Variants in TRPC4 observed in about 807,000 individuals in gnomAD.
The protein encoded by TRPC4 is short transient receptor potential channel 4.
Under a neutral mutation model 99.4 loss-of-function variants are expected in TRPC4, and 49 were observed. The observed-to-expected ratio is 0.49, with a 90% CI of 0.39 to 0.63. TRPC4 has a LOEUF of 0.63. TRPC4 is among the 20% of genes least tolerant of loss of function. The pLI, the probability that TRPC4 is intolerant of heterozygous loss-of-function variation, is 0.00. For synonymous variants in TRPC4, 454 were observed against 425.9 expected, an observed-to-expected ratio of 1.07 and a Z score of -0.81; for missense variants, 898 against 1,152.9, an observed-to-expected ratio of 0.78 and a Z score of 3.20.
At chr13:37,682,922 CTTTTTTTTT>C (rs35740848) in intron 4 of TRPC4, among the ~76,000 whole-genome samples, 9 of 109,344 alleles carry the variant, frequency 8.2e-5, no homozygotes, top group Non-Finnish European at 1.7e-4. Flanking sequence ...GCCCAGCTAT[CTTTTTTTTT>C]TTTTTTTTTT....
At chr13:37,656,890 C>A (rs1328373868) in intron 6 of TRPC4, among the ~76,000 whole-genome samples, 1 of 152,148 alleles carries the variant, frequency 6.6e-6, no homozygotes, top group African/African-American at 2.4e-5. Flanking sequence ...CGGCTCTTCC[C>A]AAAGCTGGGG....
At chr13:37,829,637 T>C (rs960341108) in intron 1 of TRPC4, among the ~76,000 whole-genome samples, 1 of 152,170 alleles carries the variant, frequency 6.6e-6, no homozygotes, top group Non-Finnish European at 1.5e-5. Flanking sequence ...GCAATTCTAC[T>C]TCTAGATATA....
At chr13:37,781,967 C>T (rs959725067) in intron 2 of TRPC4, among the ~76,000 whole-genome samples, 2 of 151,838 alleles carry the variant, frequency 1.3e-5, no homozygotes, top group African/African-American at 4.8e-5. Flanking sequence ...TTGCAGAGAC[C>T]GAGATGTGTA....
intron 3 of TRPC4, among the ~76,000 whole-genome samples, chr13:37,705,494 C>G (rs1363525481): frequency 6.6e-6 from 1 of 152,080 alleles, no homozygotes; most frequent in Non-Finnish European, 1.5e-5. Context: ...TGTTAATTAG[C>G]TCAATTTAGC....
intron 2 of TRPC4, among the ~76,000 whole-genome samples, chr13:37,758,574 T>C (rs751676836): frequency 8.6e-5 from 13 of 151,788 alleles, no homozygotes; most frequent in Non-Finnish European, 1.9e-4. Flanking sequence ...AAATAAAATA[T>C]TAAGAAACAA....
At chr13:37,812,634 ACAGT>A (rs1957735125) in intron 1 of TRPC4, among the ~76,000 whole-genome samples, 1 of 152,128 alleles carries the variant, frequency 6.6e-6, no homozygotes, top group Admixed American at 6.6e-5. Context: ...GCTGTGGAAC[ACAGT>A]CAGTCACCCT....
At chr13:37,674,737 C>T (rs1238185307) in intron 4 of TRPC4, among the ~76,000 whole-genome samples, 1 of 152,086 alleles carries the variant, frequency 6.6e-6, no homozygotes, top group Admixed American at 6.5e-5. Flanking sequence ...CAAAATTACT[C>T]AAAGATCATG....
intron 2 of TRPC4, among the ~76,000 whole-genome samples, chr13:37,765,759 A>T (rs149000631): frequency 2.6e-3 from 393 of 151,614 alleles, no homozygotes; most frequent in African/African-American, 8.9e-3. Context: ...AATATAGAAG[A>T]TTGCATAAGT....
chr13:37,863,877 C>G (rs1959562437), intron 1 of TRPC4, among the ~76,000 whole-genome samples: 1 of 151,582 alleles, frequency 6.6e-6, no homozygotes, highest in African/African-American at 2.4e-5. Flanking sequence ...TTTCACTCAT[C>G]TATTCAAAAA....
At chr13:37,824,138 G>A (rs1419104707) in intron 1 of TRPC4, among the ~76,000 whole-genome samples, 1 of 150,228 alleles carries the variant, frequency 6.7e-6, no homozygotes, top group Non-Finnish European at 1.5e-5. Flanking sequence ...CTGAGACTTT[G>A]CTGAAGTTGC....
At chr13:37,860,194 T>C (rs529232120) in intron 1 of TRPC4, among the ~76,000 whole-genome samples, 3 of 151,606 alleles carry the variant, frequency 2.0e-5, no homozygotes, top group Middle Eastern at 3.4e-3. Flanking sequence ...AATAAACTAT[T>C]AACAATGATT....
In TRPC4 at chr13:37,735,259, A is replaced by C. The variant is rs150078347; in HGVS notation, c.897+10678T>G. On this transcript the variant is annotated intron_variant, in intron 3 of 10. Transcript: ENST00000379705. ...GCATAATTTATGAGAACTCAAGCAGAAGTTTATATCTCAAAATCAACAAAA... is the reference window on the plus strand; with the variant it reads ...GCATAATTTATGAGAACTCAAGCAGCAGTTTATATCTCAAAATCAACAAAA... Among the ~76,000 whole-genome samples the C allele has an allele frequency of 5.6e-3, 852 of 152,254 alleles. 7 individuals are homozygous for C. The highest frequency in any genetic ancestry group is 0.02 in the African/African-American group (814 of 41,558).
intron 3 of TRPC4, among the ~76,000 whole-genome samples, chr13:37,724,345 A>G (rs151115049): frequency 3.3e-4 from 51 of 152,262 alleles, no homozygotes; most frequent in Non-Finnish European, 1.5e-5. Flanking sequence ...ATCTGGGACT[A>G]TTTCCCCTAA....
At chr13:37,740,125 A>T (rs1033686829) in intron 3 of TRPC4, among the ~76,000 whole-genome samples, 1 of 152,166 alleles carries the variant, frequency 6.6e-6, no homozygotes, top group African/African-American at 2.4e-5. Flanking sequence ...TGAGACAGCA[A>T]GGATGCAACA....
At position 37,683,387 on chromosome 13, in the gene TRPC4, G is replaced by A. The variant is rs148329004; in HGVS notation, c.1234+8612C>T. On this transcript the variant is annotated intron_variant, in intron 4 of 10. Coordinates refer to ENST00000379705, the MANE Select transcript of TRPC4 (RefSeq NM_016179.4). Reference sequence around the variant, plus strand: ...GTTCTGTGATGCTGTTGTGAGGTAAGTGCATATTAGAAGAAAAGGCTGGGT... The same window carrying A: ...GTTCTGTGATGCTGTTGTGAGGTAAATGCATATTAGAAGAAAAGGCTGGGT... Among the ~76,000 whole-genome samples the A allele has an allele frequency of 2.0e-3, 304 of 152,262 alleles. 1 individual carries two copies. The highest frequency in any genetic ancestry group is 4.1e-3 in the Admixed American group (62 of 15,300).
In TRPC4 at chr13:37,634,418, T is replaced by C. The variant is rs774707382; in HGVS notation, c.*2485A>G. On this transcript the variant is annotated 3_prime_UTR_variant, in exon 11 of 11. Transcript: ENST00000379705. ...CACTTTGTTCATACTCATAAACACATCTGTCAGCAACATCTGGGGGTTGTT... is the reference window on the plus strand; with the variant it reads ...CACTTTGTTCATACTCATAAACACACCTGTCAGCAACATCTGGGGGTTGTT... Among the ~76,000 whole-genome samples, 10 of 152,050 alleles carry C rather than the reference T, an allele frequency of 6.6e-5. No individual in the cohort carries two copies. The highest frequency in any genetic ancestry group is 1.3e-4 in the Admixed American group (2 of 15,228).
intron 3 of TRPC4, among the ~76,000 whole-genome samples, chr13:37,729,283 C>T (rs748048230): frequency 6.6e-6 from 1 of 151,936 alleles, no homozygotes; most frequent in Non-Finnish European, 1.5e-5. Context: ...ATGAGATGCA[C>T]CCTCACACTC....
Position 37,740,599 on chromosome 13 carries a change from C to G in TRPC4, c.897+5338G>C, listed in dbSNP as rs566324702. ...CTTGCTATGCACTGTAACTCTCACC[C>G]GAGGTGTCCCTTGGTTGTACTAAGG... On this transcript the variant is annotated intron_variant, in intron 3 of 10. Coordinates refer to ENST00000379705, the MANE Select transcript of TRPC4 (RefSeq NM_016179.4). 4.3e-4 allele frequency among the ~76,000 whole-genome samples: 65 copies of G among 152,228 alleles called. 1 individual carries two copies. The highest frequency in any genetic ancestry group is 3.4e-3 in the Middle Eastern group (1 of 294).
chr13:37,763,572 G>A (rs1279217947), intron 2 of TRPC4, among the ~76,000 whole-genome samples: 1 of 151,636 alleles, frequency 6.6e-6, no homozygotes, highest in Non-Finnish European at 1.5e-5. Flanking sequence ...TGCCTTTAGA[G>A]TAAAACTAGC....
Sources: gnomAD v4.1 joint callset for allele counts (sites outside exome capture counted in the v4.1 genomes callset) on GRCh38, gnomAD v4.1.1 for gene constraint, MANE v1.5 for transcripts, NCBI Gene and HGNC (gene_info 2026-07-23, HGNC 2026-07-21) for gene names.